The following ELAVL1 variants were observed in gnomAD, a reference collection of about 807,000 sequenced individuals.
ELAVL1 encodes the protein ELAV-like protein 1.
ELAVL1 carries 1 observed loss-of-function variant against 28.4 expected under a neutral mutation model. The observed-to-expected ratio is 0.04, with a 90% confidence interval of 0.01 to 0.17. The LOEUF (loss-of-function observed/expected upper bound fraction) is 0.17, where lower values mean the gene tolerates loss of function less well. Among genes scored for constraint, ELAVL1 ranks in the 10% least tolerant of loss-of-function variants. The pLI, the probability that ELAVL1 is intolerant of heterozygous loss-of-function variation, is 1.00. For synonymous variants in ELAVL1, 174 were observed against 183.5 expected (o/e 0.95, Z 0.42); for missense variants, 157 against 447.2 (o/e 0.35, Z 5.85).
intron 2 of ELAVL1, among the ~76,000 whole-genome samples, chr19:7,983,407 A>G (rs1457505391): frequency 6.6e-6 from 1 of 152,150 alleles, no homozygotes; most frequent in Non-Finnish European, 1.5e-5. Flanking sequence ...CCCCTTTGTG[A>G]CACACTCAGC....
chr19:7,972,606 T>C (rs1461174117), intron 4 of ELAVL1, among the ~76,000 whole-genome samples: 2 of 151,576 alleles, frequency 1.3e-5, no homozygotes, highest in African/African-American at 4.9e-5. Context: ...AGTGGACAAA[T>C]GTGCAGCAGC....
In ELAVL1 at chr19:7,981,215, A is replaced by G; in HGVS notation, c.173-29T>C. 1 of 1,612,652 alleles carries G rather than the reference A, an allele frequency of 6.2e-7. No individual in the cohort carries two copies. Among genetic ancestry groups the G allele is most frequent in the Non-Finnish European group, 8.5e-7 (1 of 1,178,616 alleles). Reference sequence around the variant, plus strand: ...TGCAAGAGAACATGAAGACATTGGTAAGCCAACCGTCTGCGAGTGAGGGAC... The same window carrying G: ...TGCAAGAGAACATGAAGACATTGGTGAGCCAACCGTCTGCGAGTGAGGGAC... On this transcript the variant is annotated intron_variant, in intron 2 of 5. Transcript: ENST00000407627. The surrounding 1 kb of genome is among the most constrained non-coding windows in gnomAD (Gnocchi z 4.2).
rs552848215 is a variant in ELAVL1 at position 8,005,250 on chromosome 19, C to T, written c.-17+245G>A. Among the ~76,000 whole-genome samples the T allele has an allele frequency of 4.6e-5, 7 of 151,954 alleles. No individual in the cohort carries two copies. The East Asian group carries it at 1.4e-3, about 30-fold the overall frequency. ...CCGGCCCCCCGGCGCATGCCCACGC[C>T]GTATCCCCCTCGCCCGTCCCTCGAG... On this transcript the variant is annotated intron_variant, in intron 1 of 5. Transcript: ENST00000407627.
intron 5 of ELAVL1, among the ~76,000 whole-genome samples, chr19:7,964,526 T>C (rs930971312): frequency 3.9e-5 from 6 of 152,072 alleles, no homozygotes; most frequent in African/African-American, 1.4e-4. Context: ...GTGATACTTT[T>C]ATTTACATAA....
intron 2 of ELAVL1, among the ~76,000 whole-genome samples, chr19:7,989,984 T>C (rs1268913287): frequency 1.3e-5 from 2 of 152,244 alleles, no homozygotes; most frequent in Non-Finnish European, 2.9e-5. Flanking sequence ...CATCACTCTA[T>C]GTTCATGTAT....
At chr19:7,972,800 CTTTTTTTTTTTTTTTTTT>C (rs386388490) in intron 4 of ELAVL1, 1 of 42,050 alleles carries the variant, frequency 2.4e-5, no homozygotes, top group Non-Finnish European at 4.2e-5. Context: ...CTGCAGTATC[CTTTTTTTTTTTTTTTTTT>C]TTTTTTTTTT....
intron 1 of ELAVL1, among the ~76,000 whole-genome samples, chr19:8,005,243 C>T (rs2081083163): frequency 6.6e-6 from 1 of 151,898 alleles, no homozygotes; most frequent in Non-Finnish European, 1.5e-5. Flanking sequence ...CCGGCGCATG[C>T]CCACGCCGTA....
intron 3 of ELAVL1, among the ~76,000 whole-genome samples, chr19:7,978,979 G>A (rs193171909): frequency 7.9e-4 from 121 of 152,328 alleles, no homozygotes; most frequent in African/African-American, 2.8e-3. Context: ...GGGGATGGCA[G>A]GGGATCCGAA....
chr19:7,992,959 T>G (rs1297028459), intron 1 of ELAVL1, among the ~76,000 whole-genome samples: 1 of 152,172 alleles, frequency 6.6e-6, no homozygotes. Flanking sequence ...AAACTTTTTG[T>G]AGAGATGGTA....
At chr19:7,966,013 G>A (rs77012645) in intron 5 of ELAVL1, among the ~76,000 whole-genome samples, 2,519 of 152,206 alleles carry the variant, frequency 0.017, 181 homozygotes, top group Admixed American at 0.12. Context: ...AGCATGTGTG[G>A]CACTGGGCAG....
chr19:7,989,785 G>A (rs940713776), intron 2 of ELAVL1, among the ~76,000 whole-genome samples: 3 of 152,204 alleles, frequency 2.0e-5, no homozygotes, highest in Admixed American at 1.3e-4. Flanking sequence ...TTGAGAAGGC[G>A]TTTATTAAAT....
intron 2 of ELAVL1, among the ~76,000 whole-genome samples, chr19:7,983,419 C>T (rs1340906751): frequency 5.9e-5 from 9 of 152,166 alleles, no homozygotes; most frequent in Non-Finnish European, 1.2e-4. Flanking sequence ...ACACTCAGCA[C>T]ACGTACAAGC....
chr19:7,999,862 C>A (rs541269382), intron 1 of ELAVL1, among the ~76,000 whole-genome samples: 1 of 152,114 alleles, frequency 6.6e-6, no homozygotes, highest in African/African-American at 2.4e-5. Context: ...CTGCAACCTC[C>A]GCCTCCTAGG....
At chr19:7,987,868 C>A (rs79827998) in intron 2 of ELAVL1, among the ~76,000 whole-genome samples, 1 of 152,180 alleles carries the variant, frequency 6.6e-6, no homozygotes, top group Non-Finnish European at 1.5e-5. Flanking sequence ...GAACCCACAG[C>A]GGAGCATCTG....
intron 3 of ELAVL1, among the ~76,000 whole-genome samples, chr19:7,977,338 C>T (rs997987555): frequency 6.6e-6 from 1 of 152,250 alleles, no homozygotes. Context: ...TCCATCCCTC[C>T]GTGACCTTGG....
chr19:8,003,355 CAAAAA>C (rs71165248), intron 1 of ELAVL1, among the ~76,000 whole-genome samples: 2 of 61,092 alleles, frequency 3.3e-5, no homozygotes, highest in Admixed American at 2.7e-4. Context: ...GAAACTGTCT[CAAAAA>C]AAAAAAAAAA....
intron 3 of ELAVL1, among the ~76,000 whole-genome samples, chr19:7,976,187 G>A (rs1033610484): frequency 3.3e-5 from 5 of 151,636 alleles, no homozygotes; most frequent in African/African-American, 7.3e-5. Flanking sequence ...TGGATCACGA[G>A]GTCAGGAGAT....
At chr19:7,984,608 C>G (rs1985552139) in intron 2 of ELAVL1, among the ~76,000 whole-genome samples, 1 of 152,170 alleles carries the variant, frequency 6.6e-6, no homozygotes, top group Non-Finnish European at 1.5e-5. Context: ...AATGCCCCAC[C>G]CAGAGGACAG....
chr19:8,000,201 G>A (rs180949193), intron 1 of ELAVL1, among the ~76,000 whole-genome samples: 21 of 152,358 alleles, frequency 1.4e-4, no homozygotes, highest in Non-Finnish European at 2.6e-4. Context: ...GCTTAGAGGT[G>A]AGAGTCACCG....
Sources: allele counts gnomAD v4.1 joint callset (sites outside exome capture counted in the v4.1 genomes callset), GRCh38; gene constraint gnomAD v4.1.1; non-coding constraint Gnocchi (gnomAD v3.1); transcripts MANE v1.5; gene names NCBI Gene and HGNC (gene_info 2026-07-23, HGNC 2026-07-21).